EML6: variants seen among roughly 807,000 people sequenced by gnomAD.
The protein encoded by EML6 is EMAP like 6.
Under a neutral mutation model 240.1 loss-of-function variants are expected in EML6, and 154 were observed. That is an observed-to-expected ratio of 0.64 (90% CI 0.56 to 0.73). The LOEUF (loss-of-function observed/expected upper bound fraction) is 0.73, where lower values mean the gene tolerates loss of function less well. EML6 is among the 30% of genes least tolerant of loss of function. The pLI is 0.00. For missense variants in EML6, 2,964 were observed against 2,474.6 expected (o/e 1.20, Z -4.20); for synonymous variants, 1,148 against 899.0 (o/e 1.28, Z -4.95).
At chr2:54,939,592 C>A (rs1280594482) in intron 28 of EML6, among the ~76,000 whole-genome samples, 1 of 152,170 alleles carries the variant, frequency 6.6e-6, no homozygotes, top group Non-Finnish European at 1.5e-5. Context: ...TCAATAGCCC[C>A]CACTTGTGGA....
chr2:54,945,533 T>A (rs1675652106), intron 28 of EML6, among the ~76,000 whole-genome samples: 1 of 152,050 alleles, frequency 6.6e-6, no homozygotes. Flanking sequence ...TGGAACGACT[T>A]GGTTTCTCAC....
At chr2:54,794,576 T>C (rs1572906747) in intron 2 of EML6, among the ~76,000 whole-genome samples, 1 of 152,106 alleles carries the variant, frequency 6.6e-6, no homozygotes, top group African/African-American at 2.4e-5. Context: ...TGATGCCCCC[T>C]AAAGGATCCT....
At chr2:54,764,386 T>TA (rs1184329211) in intron 2 of EML6, among the ~76,000 whole-genome samples, 1 of 152,202 alleles carries the variant, frequency 6.6e-6, no homozygotes, top group Non-Finnish European at 1.5e-5. Flanking sequence ...GTTGAGCTGA[T>TA]AATTAACTCA....
At chr2:54,853,978 T>C (rs145092548) in intron 11 of EML6, 123 bp downstream of exon 11, 12,540 of 528,784 alleles carry the variant, frequency 0.024, 209 homozygotes, top group Non-Finnish European at 0.026. Context: ...TATATTCTTA[T>C]TTACTTTTCA....
rs755034013 is a variant in EML6 at position 54,847,658 on chromosome 2, G to C, written c.1187+35G>C. On this transcript the variant is annotated intron_variant, in intron 9 of 41. Coordinates refer to ENST00000356458, the MANE Select transcript of EML6 (RefSeq NM_001039753.4). Reference sequence around the variant, plus strand: ...GATGTTGAAAATGGTATTTAGAAATGCTCTCGTGTTAAATGTTACAATTTT... The same window carrying C: ...GATGTTGAAAATGGTATTTAGAAATCCTCTCGTGTTAAATGTTACAATTTT... 10 of 1,547,504 alleles carry C rather than the reference G, an allele frequency of 6.5e-6. No homozygotes were observed. In the South Asian group the frequency reaches 1.2e-4, roughly 18 times the overall value.
chr2:54,778,975 C>A (rs375579468), intron 2 of EML6, among the ~76,000 whole-genome samples: 2 of 151,878 alleles, frequency 1.3e-5, no homozygotes, highest in Admixed American at 1.3e-4. Context: ...TCCTTACACT[C>A]TTTACAATTA....
At chr2:54,889,161 T>C (rs919344695) in intron 17 of EML6, among the ~76,000 whole-genome samples, 2 of 152,212 alleles carry the variant, frequency 1.3e-5, no homozygotes, top group African/African-American at 4.8e-5. Flanking sequence ...GTCAGTCAAC[T>C]CATACACAGG....
intron 2 of EML6, among the ~76,000 whole-genome samples, chr2:54,806,943 C>T (rs984895521): frequency 2.0e-5 from 3 of 152,066 alleles, no homozygotes; most frequent in Admixed American, 6.6e-5. Context: ...ATGCACTTGT[C>T]ACGGAACAAA....
intron 17 of EML6, chr2:54,882,873 A>AAAAAAAAAAAAAAAAGAG (rs796515025): frequency 3.6e-5 from 4 of 112,358 alleles, no homozygotes; most frequent in African/African-American, 1.4e-4. Flanking sequence ...AAAAAAAAAA[A>AAAAAAAAAAAAAAAAGAG]AGAAAGCTTA....
rs547475831 is a variant in EML6 at position 54,725,289 on chromosome 2, G to A, written c.197+31G>A. On this transcript the variant is annotated intron_variant, in intron 2 of 41. Transcript: ENST00000356458. The surrounding 1 kb of genome is among the most constrained non-coding windows in gnomAD (Gnocchi z 4.3). ...GGGGTGGCCAGGGGCGGCGGGGAGGGGTTGCGTGTGGAGGCTGGGAAGGTG... is the reference window on the plus strand; with the variant it reads ...GGGGTGGCCAGGGGCGGCGGGGAGGAGTTGCGTGTGGAGGCTGGGAAGGTG... 5 of 1,382,824 alleles carry A rather than the reference G, an allele frequency of 3.6e-6. No homozygotes were observed. The South Asian group carries it at 6.5e-5, about 18-fold the overall frequency. 85.7% of individuals were successfully genotyped at this position (1,382,824 alleles called of 1,614,324 possible).
intron 2 of EML6, among the ~76,000 whole-genome samples, chr2:54,812,337 T>G (rs1216705594): frequency 6.7e-6 from 1 of 149,934 alleles, no homozygotes; most frequent in Non-Finnish European, 1.5e-5. Context: ...AAAAAAAAAG[T>G]CTACTTCCAT....
In EML6 at chr2:54,844,040, T is replaced by A. The variant is rs1669617224; in HGVS notation, c.848-7T>A. 1 of 1,549,868 alleles carries A rather than the reference T, an allele frequency of 6.5e-7. No homozygotes were observed. The highest frequency in any genetic ancestry group is 2.0e-5 in the Admixed American group (1 of 50,900). On this transcript the variant is annotated splice_region_variant and splice_polypyrimidine_tract_variant and intron_variant, in intron 7 of 41. Transcript: ENST00000356458. ...AGATTTGCTTTTGTTTTACTTATTT[T>A]TGTCAGGCCTCTCTATCCGGAGCGT...
In EML6 at chr2:54,950,875, C is replaced by G. The variant is rs111539701; in HGVS notation, c.4213+96C>G. The stretch of plus-strand genomic sequence containing the variant: ...GCCCAAAAGCTTAAGCATTTTCCTT[C>G]CCTTATAGAGCCATTCCCCCCAATT... On this transcript the variant is annotated intron_variant, in intron 30 of 41. Transcript: ENST00000356458. The G allele has an allele frequency of 1.6e-5, 21 of 1,310,616 alleles. No homozygotes were observed. The African/African-American group carries it at 1.8e-4, about 11-fold the overall frequency. 81.2% of individuals were successfully genotyped at this position (1,310,616 alleles called of 1,614,324 possible).
chr2:54,944,847 G>C (rs900205951), intron 28 of EML6, among the ~76,000 whole-genome samples: 5 of 152,024 alleles, frequency 3.3e-5, no homozygotes, highest in African/African-American at 4.8e-5. Flanking sequence ...ACAGAGTCCA[G>C]TTCTGAAGAA....
chr2:54,887,039 C>G (rs141339231), intron 17 of EML6, among the ~76,000 whole-genome samples: 11 of 152,176 alleles, frequency 7.2e-5, no homozygotes, highest in African/African-American at 2.7e-4. Flanking sequence ...TCTGGCAATT[C>G]TAAACAATGT....
intron 7 of EML6, among the ~76,000 whole-genome samples, chr2:54,842,639 A>C (rs556128675): frequency 2.0e-5 from 3 of 152,332 alleles, no homozygotes; most frequent in African/African-American, 7.2e-5. Flanking sequence ...CTTGTTTTAA[A>C]GTATTTAGGA....
At chr2:54,941,292 T>G (rs1675415251) in intron 28 of EML6, among the ~76,000 whole-genome samples, 1 of 152,192 alleles carries the variant, frequency 6.6e-6, no homozygotes, top group East Asian at 1.9e-4. Context: ...TGCTGTTCAC[T>G]CATATGTGGA....
intron 26 of EML6, among the ~76,000 whole-genome samples, chr2:54,923,949 C>G (rs1466632634): frequency 1.3e-5 from 2 of 152,190 alleles, no homozygotes; most frequent in African/African-American, 4.8e-5. Flanking sequence ...CATGTTGTTG[C>G]ATAATAATAG....
intron 31 of EML6, 135 bp downstream of exon 31, chr2:54,952,827 C>A: frequency 1.6e-6 from 1 of 638,424 alleles, no homozygotes; most frequent in Non-Finnish European, 2.8e-6. Flanking sequence ...TTTTTTGAGT[C>A]CTGAGTGTAT....
Sources: gnomAD v4.1 joint callset for allele counts (sites outside exome capture counted in the v4.1 genomes callset) on GRCh38, gnomAD v4.1.1 for gene constraint, Gnocchi (gnomAD v3.1) non-coding constraint, MANE v1.5 for transcripts, NCBI Gene and HGNC (gene_info 2026-07-23, HGNC 2026-07-21) for gene names.